Variants in NHP2 observed in about 807,000 individuals in gnomAD.
The protein encoded by NHP2 is NHP2 ribonucleoprotein, also known as H/ACA ribonucleoprotein complex subunit 2.
Under a neutral mutation model 16.7 loss-of-function variants are expected in NHP2, and 10 were observed. That is an observed-to-expected ratio of 0.60 (90% confidence interval 0.37 to 1.01). NHP2 has a LOEUF of 1.01. Ranked by LOEUF, NHP2 falls within the 50% of genes least tolerant of loss-of-function variation. NHP2 has a pLI of 0.01. For missense variants in NHP2, 184 were observed against 198.3 expected (o/e 0.93, Z 0.43); for synonymous variants, 87 against 78.9 (o/e 1.10, Z -0.54).
chr5:178,151,922 C>A (rs997755230), intron 2 of NHP2, among the ~76,000 whole-genome samples: 8 of 152,134 alleles, frequency 5.3e-5, no homozygotes, highest in Admixed American at 3.9e-4. Context: ...CTTACCCAGA[C>A]CCAAATTTGT....
At chr5:178,150,382 CTATTT>C (rs1053233081) in intron 3 of NHP2, 5 of 258,072 alleles carry the variant, frequency 1.9e-5, no homozygotes, top group African/African-American at 1.3e-4. Flanking sequence ...CCCCCAGCCT[CTATTT>C]TTTTTTTTTG....
chr5:178,150,913 G>A lies in NHP2; in HGVS notation c.311C>T (p.Pro104Leu), dbSNP rs776184946. The stretch of plus-strand genomic sequence containing the variant: ...CGTCTTAGAGGGGATATAGACATAG[G>A]GCAAATTTCGGTCCTCACACATGAC... The part of the protein sequence containing the change: ...LPVMCEDRNL[P>L]YVYIPSKTDL... Residue 104 changes from proline to leucine, a missense_variant, in exon 3 of 4, where the codon CCC becomes CTC. Pro to Leu is a moderately conservative substitution (Grantham distance 98). Coordinates refer to ENST00000274606, the MANE Select transcript of NHP2 (RefSeq NM_017838.4). 1.2e-6 allele frequency: 2 copies of A among 1,613,780 alleles called. No homozygotes were observed. The highest frequency in any genetic ancestry group is 4.5e-5 in the East Asian group (2 of 44,878).
In NHP2 at chr5:178,149,755, A is replaced by T; in HGVS notation, c.420T>A (p.Asp140Glu). The change falls in exon 4 of 4, where the codon GAT (aspartate) becomes GAA (glutamate). Residue 140 changes from aspartate (D) to glutamate (E), a missense_variant. Physicochemically the swap from Asp to Glu is conservative, Grantham distance 45. Transcript: ENST00000274606. Reference protein sequence around the residue: ...KPHEEYQEAYDECLEEVQSLP... With the variant: ...KPHEEYQEAYEECLEEVQSLP... ...GGGACTGCACCTCCTCCAGGCACTC[A>T]TCGTAAGCCTCCTGGTACTCCTCAT... is the stretch of plus-strand genomic sequence containing the variant. 6.2e-7 allele frequency: 1 copy of T among 1,614,072 alleles called. No individual in the cohort carries two copies. Among genetic ancestry groups the T allele is most frequent in the Non-Finnish European group, 8.5e-7 (1 of 1,179,994 alleles).
At position 178,153,575 on chromosome 5, in the gene NHP2, G is replaced by C. The variant is rs774227396; in HGVS notation, c.161-15C>G. The C allele has an allele frequency of 1.9e-6, 3 of 1,613,838 alleles. No individual in the cohort carries two copies. The highest frequency in any genetic ancestry group is 3.3e-5 in the Admixed American group (2 of 60,030). On this transcript the variant is annotated splice_polypyrimidine_tract_variant and intron_variant, in intron 1 of 3. Transcript: ENST00000274606. ...CTGCTTCACCGCTGCAACGACAGAA[G>C]AGTCGGTCGGGGGCCTCGCTCAGCC... is the stretch of plus-strand genomic sequence containing the variant.
In NHP2 at chr5:178,150,026, A is replaced by G. The variant is rs927717469; in HGVS notation, c.337-188T>C. ...CAATCAGACTTTGAAGGCATGGTCC[A>G]GCCACACAGGGCCTACATTCCCACA... On this transcript the variant is annotated intron_variant, in intron 3 of 3. Coordinates refer to ENST00000274606, the MANE Select transcript of NHP2 (RefSeq NM_017838.4). 8.7e-6 allele frequency: 5 copies of G among 574,642 alleles called. No homozygotes were observed. The African/African-American group carries it at 9.5e-5, about 11-fold the overall frequency. The allele number at this position is 574,642 out of a possible 1,614,324, so 35.6% of individuals were successfully genotyped here.
At chr5:178,150,042 C>A (rs1756226314) in intron 3 of NHP2, 1 of 509,558 alleles carries the variant, frequency 2.0e-6, no homozygotes, top group South Asian at 2.3e-5. Flanking sequence ...ACAGGGCCTA[C>A]ATTCCCACAT....
At chr5:178,151,100 T>G (rs1265805990) in intron 2 of NHP2, 107 bp from the exon 3 acceptor site, 1 of 914,698 alleles carries the variant, frequency 1.1e-6, no homozygotes, top group African/African-American at 1.6e-5. Flanking sequence ...TTGTGTTTGG[T>G]GAGCACACTA....
rs1019685440 is a variant in NHP2, at chr5:178,149,897, G to T, written c.337-59C>A. ...AGCTGTACAACCTGTATGCCAGGAAGTCACCAACTGATGACCCACCAGCCT... is the reference window on the plus strand; with the variant it reads ...AGCTGTACAACCTGTATGCCAGGAATTCACCAACTGATGACCCACCAGCCT... On this transcript the variant is annotated intron_variant, in intron 3 of 3. Coordinates refer to ENST00000274606, the MANE Select transcript of NHP2 (RefSeq NM_017838.4). The T allele has an allele frequency of 6.9e-6, 11 of 1,589,742 alleles. No individual in the cohort carries two copies. In the Admixed American group the frequency reaches 1.2e-4, roughly 17 times the overall value.
At chr5:178,153,414 T>G in intron 2 of NHP2, 77 bp downstream of exon 2, 1 of 1,495,890 alleles carries the variant, frequency 6.7e-7, no homozygotes, top group Non-Finnish European at 9.3e-7. Context: ...GTTAACCTTT[T>G]TACTGCGCGC....
chr5:178,149,905 C>T, intron 3 of NHP2, 67 bp from the exon 4 acceptor site: 2 of 1,570,622 alleles, frequency 1.3e-6, no homozygotes, highest in Non-Finnish European at 1.7e-6. Flanking sequence ...AAGTCACCAA[C>T]TGATGACCCA....
At chr5:178,150,028 C>T in intron 3 of NHP2, 190 bp from the exon 4 acceptor site, 1 of 554,276 alleles carries the variant, frequency 1.8e-6, no homozygotes, top group Non-Finnish European at 3.2e-6. Context: ...CATGGTCCAG[C>T]CACACAGGGC....
At position 178,149,709 on chromosome 5, in the gene NHP2, C is replaced by T. The variant is rs185752917; in HGVS notation, c.*4G>A. The T allele has an allele frequency of 4.0e-5, 64 of 1,613,438 alleles. No individual in the cohort carries two copies. The African/African-American group carries it at 7.6e-4, about 19-fold the overall frequency. On this transcript the variant is annotated 3_prime_UTR_variant, in exon 4 of 4. Coordinates refer to ENST00000274606, the MANE Select transcript of NHP2 (RefSeq NM_017838.4). ...GGCAGGTGCCCAGGTGCTACCGGAG[C>T]CCCTCATAGGGGTAGGGGCAGGGAC...
intron 3 of NHP2, 61 bp from the exon 4 acceptor site, chr5:178,149,899 C>A: frequency 6.3e-7 from 1 of 1,588,652 alleles, no homozygotes; most frequent in South Asian, 1.1e-5. Flanking sequence ...GCCAGGAAGT[C>A]ACCAACTGAT....
At chr5:178,150,780 C>G in intron 3 of NHP2, 108 bp downstream of exon 3, 1 of 802,096 alleles carries the variant, frequency 1.2e-6, no homozygotes, top group Admixed American at 1.7e-5. Context: ...TCCATCCAGG[C>G]CTGTCTTAGC....
chr5:178,152,473 G>C (rs1756301956), intron 2 of NHP2, among the ~76,000 whole-genome samples: 1 of 150,976 alleles, frequency 6.6e-6, no homozygotes, highest in Admixed American at 6.7e-5. Context: ...GTTAGATGCC[G>C]TTGAGCATCA....
intron 2 of NHP2, among the ~76,000 whole-genome samples, chr5:178,152,003 T>C (rs1164975934): frequency 1.3e-5 from 2 of 152,252 alleles, no homozygotes; most frequent in Admixed American, 1.3e-4. Context: ...TCCCTCCAGC[T>C]GGGCATGTCA....
chr5:178,151,141 T>C (rs939425862), intron 2 of NHP2, 148 bp from the exon 3 acceptor site: 8 of 739,690 alleles, frequency 1.1e-5, no homozygotes, highest in Non-Finnish European at 1.9e-5. Context: ...CTTGGCAACA[T>C]ACAGGTGCCA....
At chr5:178,151,096 T>C in intron 2 of NHP2, 103 bp from the exon 3 acceptor site, 1 of 954,114 alleles carries the variant, frequency 1.0e-6, no homozygotes, top group East Asian at 2.4e-5. Context: ...AAAATTGTGT[T>C]TGGTGAGCAC....
intron 2 of NHP2, 135 bp from the exon 3 acceptor site, chr5:178,151,128 C>T (rs1581136564): frequency 1.3e-6 from 1 of 773,078 alleles, no homozygotes; most frequent in Non-Finnish European, 2.3e-6. Flanking sequence ...GTGATCTCTA[C>T]CTCTTGGCAA....
Sources: gnomAD v4.1 joint callset for allele counts (sites outside exome capture counted in the v4.1 genomes callset) on GRCh38, gnomAD v4.1.1 for gene constraint, MANE v1.5 for transcripts, NCBI Gene and HGNC (gene_info 2026-07-23, HGNC 2026-07-21) for gene names.